Variants in ALCAM observed in about 807,000 individuals in gnomAD.
ALCAM encodes the protein CD166 antigen.
ALCAM carries 30 observed loss-of-function variants against 70.9 expected under a neutral mutation model. The ratio of observed to expected loss-of-function variants is 0.42; its 90% CI spans 0.32 to 0.57. The LOEUF is 0.57. Among genes scored for constraint, ALCAM ranks in the 20% least tolerant of loss-of-function variants. The pLI, the probability that ALCAM is intolerant of heterozygous loss-of-function variation, is 0.11. For missense variants in ALCAM, 591 were observed against 695.1 expected (o/e 0.85, Z 1.68); for synonymous variants, 249 against 242.5 (o/e 1.03, Z -0.25).
chr3:105,448,048 CAACA>C (rs1303560813), intron 1 of ALCAM, among the ~76,000 whole-genome samples: 1 of 152,040 alleles, frequency 6.6e-6, no homozygotes, highest in African/African-American at 2.4e-5. Flanking sequence ...CTACCAACAA[CAACA>C]AAAAATCAGT....
chr3:105,541,837 A>G, intron 8 of ALCAM, 72 bp downstream of exon 8: 1 of 1,538,180 alleles, frequency 6.5e-7, no homozygotes, highest in South Asian at 1.2e-5. Flanking sequence ...CTATCTTTTC[A>G]AATAAACTGC....
In ALCAM at chr3:105,550,236, T is replaced by C. The variant is rs748597678; in HGVS notation, c.1484T>C (p.Val495Ala). Residue 495 changes from valine (V) to alanine (A), a missense_variant, in exon 12 of 16, where the codon GTA becomes GCA. Val to Ala is a moderately conservative substitution (Grantham distance 64). Coordinates refer to ENST00000306107, the MANE Select transcript of ALCAM (RefSeq NM_001627.4). ...GCAGAAAACCAACTGGAGAGAACAGTAAACTCCTTGAATGTCTCTGCTAGT... is the reference window on the plus strand; with the variant it reads ...GCAGAAAACCAACTGGAGAGAACAGCAAACTCCTTGAATGTCTCTGCTAGT... The part of the protein sequence containing the change: ...CTAENQLERT[V>A]NSLNVSAISI... The C allele has an allele frequency of 2.5e-6, 4 of 1,607,170 alleles. No homozygotes were observed. Among genetic ancestry groups the C allele is most frequent in the Non-Finnish European group, 3.4e-6 (4 of 1,176,092 alleles).
At chr3:105,522,476 A>G (rs556846593) in intron 2 of ALCAM, among the ~76,000 whole-genome samples, 42 of 152,278 alleles carry the variant, frequency 2.8e-4, no homozygotes, top group Non-Finnish European at 5.0e-4. Context: ...AAAGTTTTGG[A>G]AAAATGAGCC....
At chr3:105,435,800 T>G (rs1937036058) in intron 1 of ALCAM, among the ~76,000 whole-genome samples, 1 of 150,548 alleles carries the variant, frequency 6.6e-6, no homozygotes, top group South Asian at 2.1e-4. Flanking sequence ...TGTTTGTTTG[T>G]TTTTTTTTGA....
intron 1 of ALCAM, among the ~76,000 whole-genome samples, chr3:105,488,716 G>C (rs963042189): frequency 6.8e-6 from 1 of 147,438 alleles, no homozygotes; most frequent in Non-Finnish European, 1.5e-5. Context: ...GGAAAGAAGG[G>C]AAGGGAGGGA....
At chr3:105,470,659 C>A (rs1245290022) in intron 1 of ALCAM, among the ~76,000 whole-genome samples, 1 of 151,086 alleles carries the variant, frequency 6.6e-6, no homozygotes, top group Non-Finnish European at 1.5e-5. Context: ...ACAAGAGAAC[C>A]TTCTGTGGCA....
intron 13 of ALCAM, 128 bp from the exon 14 acceptor site, chr3:105,552,340 T>A (rs1940430281): frequency 7.7e-7 from 1 of 1,299,158 alleles, no homozygotes; most frequent in African/African-American, 1.5e-5. Context: ...CCTTTAAAAA[T>A]CACAAGTTTG....
In ALCAM at chr3:105,551,219, A is replaced by T. The variant is rs956540861; in HGVS notation, c.1508-925A>T. On this transcript the variant is annotated intron_variant, in intron 12 of 15. Transcript: ENST00000306107. ...TTGACAGGATAAAAGAACCAAACAA[A>T]TTTAACTCTAAGATAGAAGCATTGA... Among the ~76,000 whole-genome samples, 9 of 151,802 alleles carry T rather than the reference A, an allele frequency of 5.9e-5. No individual in the cohort carries two copies. The East Asian group carries it at 1.8e-3, about 30-fold the overall frequency.
At chr3:105,544,066 C>A (rs1399763161) in intron 8 of ALCAM, among the ~76,000 whole-genome samples, 2 of 151,568 alleles carry the variant, frequency 1.3e-5, no homozygotes, top group Non-Finnish European at 3.0e-5. Context: ...GCAATTATGA[C>A]ATTTTAAACC....
At chr3:105,381,756 A>G (rs903135070) in intron 1 of ALCAM, among the ~76,000 whole-genome samples, 3 of 151,816 alleles carry the variant, frequency 2.0e-5, no homozygotes, top group African/African-American at 7.3e-5. Context: ...CAATAATAAA[A>G]TAGGGCCCAG....
chr3:105,457,199 C>A (rs915602532), intron 1 of ALCAM, among the ~76,000 whole-genome samples: 8 of 152,210 alleles, frequency 5.3e-5, no homozygotes, highest in African/African-American at 1.9e-4. Context: ...TGGCCTCCAG[C>A]TCCATTCCTG....
At chr3:105,440,045 C>T (rs1459895961) in intron 1 of ALCAM, among the ~76,000 whole-genome samples, 5 of 152,174 alleles carry the variant, frequency 3.3e-5, no homozygotes, top group African/African-American at 7.2e-5. Flanking sequence ...AAATCTCACA[C>T]GCCATCCATT....
At chr3:105,524,547 G>A in intron 3 of ALCAM, 39 bp downstream of exon 3, 3 of 1,611,880 alleles carry the variant, frequency 1.9e-6, no homozygotes, top group Non-Finnish European at 2.5e-6. Flanking sequence ...AAGTGGGATT[G>A]ATGGCCAGTA....
rs761291590 is a variant in ALCAM, at chr3:105,547,509, A to C, written c.1360A>C (p.Ser454Arg). The C allele has an allele frequency of 6.2e-7, 1 of 1,609,544 alleles. No homozygotes were observed. The highest frequency in any genetic ancestry group is 1.3e-5 in the African/African-American group (1 of 74,640). The change falls in exon 11 of 16, where the codon AGC becomes CGC. Residue 454 changes from serine (S) to arginine (R), a missense_variant. By Grantham distance (110) the Ser-to-Arg change is moderately radical (BLOSUM62 -1). Around this residue, in one of 2 missense-constraint regions of ALCAM, gnomAD observed 164 missense variants for 244.7 expected, o/e 0.67. Transcript: ENST00000306107. ...TCAATGGACAATTACTGGCAGTGGA[A>C]GCGTCATAAACCAAGCAAGTATTTG... ...AIQWTITGSGSVINQTEESPY... is the reference protein window; with the variant it reads ...AIQWTITGSGRVINQTEESPY...
intron 1 of ALCAM, among the ~76,000 whole-genome samples, chr3:105,415,866 C>A (rs1221171616): frequency 6.6e-6 from 1 of 151,988 alleles, no homozygotes; most frequent in East Asian, 1.9e-4. Flanking sequence ...ATAGTTAAAA[C>A]ATATAGAAAC....
chr3:105,543,364 A>G (rs1940170332), intron 8 of ALCAM, among the ~76,000 whole-genome samples: 1 of 151,732 alleles, frequency 6.6e-6, no homozygotes, highest in South Asian at 2.1e-4. Flanking sequence ...GTAGACTCTA[A>G]CACTGGGTTT....
rs188875141 is a variant in ALCAM at position 105,556,808 on chromosome 3, C to T, written c.1664+4223C>T. Among the ~76,000 whole-genome samples, 21 of 152,134 alleles carry T rather than the reference C, an allele frequency of 1.4e-4. No homozygotes were observed. In the East Asian group the frequency reaches 4.1e-3, roughly 29 times the overall value. ...ATGTTCTCAGAAGAGGGACTCCTCACTGAATAAATTGAAAAGATAGTGCTG... is the reference window on the plus strand; with the variant it reads ...ATGTTCTCAGAAGAGGGACTCCTCATTGAATAAATTGAAAAGATAGTGCTG... On this transcript the variant is annotated intron_variant, in intron 14 of 15. Coordinates refer to ENST00000306107, the MANE Select transcript of ALCAM (RefSeq NM_001627.4).
At chr3:105,444,787 G>T (rs1937257678) in intron 1 of ALCAM, among the ~76,000 whole-genome samples, 1 of 152,002 alleles carries the variant, frequency 6.6e-6, no homozygotes. Context: ...TTAAAGAAAA[G>T]CAGTCAATTA....
chr3:105,525,158 T>TA, intron 3 of ALCAM: 1 of 983,562 alleles, frequency 1.0e-6, no homozygotes, highest in Non-Finnish European at 1.2e-6. Context: ...GTCCTAAAAT[T>TA]AAAAAAACTC....
Sources: gnomAD v4.1 joint callset for allele counts (sites outside exome capture counted in the v4.1 genomes callset) on GRCh38, gnomAD v4.1.1 for gene constraint, gnomAD v4.1.1 regional missense constraint, MANE v1.5 for transcripts, NCBI Gene and HGNC (gene_info 2026-07-23, HGNC 2026-07-21) for gene names.